Variants in ZNF277 observed in about 807,000 individuals in gnomAD.
The protein encoded by ZNF277 is zinc finger protein 277.
In ZNF277, 55 loss-of-function variants were observed where a neutral mutation model predicts 60.7. The ratio of observed to expected loss-of-function variants is 0.91; its 90% CI spans 0.73 to 1.13. The LOEUF is 1.13. Among genes scored for constraint, ZNF277 ranks in the 50% most tolerant of loss-of-function variants. ZNF277 has a pLI of 0.00. For missense variants in ZNF277, 510 were observed against 523.0 expected (o/e 0.98, Z 0.24); for synonymous variants, 178 against 179.3 (o/e 0.99, Z 0.06).
chr7:112,333,587 G>A (rs536000100), intron 7 of ZNF277, among the ~76,000 whole-genome samples: 8 of 152,268 alleles, frequency 5.3e-5, no homozygotes, highest in East Asian at 1.9e-4. Flanking sequence ...CAGGGTATCC[G>A]TAGCAAGATA....
intron 1 of ZNF277, among the ~76,000 whole-genome samples, chr7:112,211,415 G>T (rs753191113): frequency 1.3e-5 from 2 of 152,138 alleles, no homozygotes; most frequent in Non-Finnish European, 2.9e-5. Context: ...CACCATTACT[G>T]CTGAATTACC....
At chr7:112,240,636 G>C (rs1011746584) in intron 1 of ZNF277, among the ~76,000 whole-genome samples, 9 of 151,984 alleles carry the variant, frequency 5.9e-5, no homozygotes, top group African/African-American at 2.2e-4. Flanking sequence ...CATAAAAACA[G>C]AATGAAACAG....
chr7:112,250,578 TTC>T (rs1464894780), intron 1 of ZNF277, among the ~76,000 whole-genome samples: 1 of 152,180 alleles, frequency 6.6e-6, no homozygotes, highest in African/African-American at 2.4e-5. Context: ...GCTTTAAAAT[TTC>T]TCTCTTTTGT....
At chr7:112,288,033 T>C (rs1168988905) in intron 2 of ZNF277, 1 of 152,198 alleles carries the variant, frequency 6.6e-6, no homozygotes, top group Non-Finnish European at 1.5e-5. Flanking sequence ...CCATAGACAT[T>C]CTCTGAGTGG....
intron 4 of ZNF277, among the ~76,000 whole-genome samples, chr7:112,302,986 T>C (rs1289761499): frequency 1.3e-5 from 2 of 148,416 alleles, no homozygotes; most frequent in Non-Finnish European, 3.0e-5. Flanking sequence ...TGTCAGTCTG[T>C]CACCCAGGCT....
chr7:112,234,263 A>G (rs1190017968), intron 1 of ZNF277, among the ~76,000 whole-genome samples: 2 of 152,158 alleles, frequency 1.3e-5, no homozygotes, highest in African/African-American at 2.4e-5. Context: ...CATTTATGCT[A>G]CTCTAGCAAA....
intron 4 of ZNF277, among the ~76,000 whole-genome samples, chr7:112,304,124 G>A (rs747827424): frequency 6.6e-6 from 1 of 152,082 alleles, no homozygotes; most frequent in Non-Finnish European, 1.5e-5. Flanking sequence ...ATGTCACAAG[G>A]TTAACTTTCT....
intron 4 of ZNF277, among the ~76,000 whole-genome samples, chr7:112,304,111 C>A (rs1188697998): frequency 1.3e-5 from 2 of 151,998 alleles, no homozygotes; most frequent in Admixed American, 6.6e-5. Context: ...ATTTAAGATT[C>A]TAATGTCACA....
chr7:112,243,269 G>A (rs1791002296), intron 1 of ZNF277, among the ~76,000 whole-genome samples: 1 of 151,862 alleles, frequency 6.6e-6, no homozygotes, highest in African/African-American at 2.4e-5. Flanking sequence ...CATTGGTCTA[G>A]GCAAAGAATT....
chr7:112,234,635 T>G (rs200670198), intron 1 of ZNF277, among the ~76,000 whole-genome samples: 1 of 152,188 alleles, frequency 6.6e-6, no homozygotes, highest in Non-Finnish European at 1.5e-5. Context: ...TGCAAGCAAT[T>G]TGTAGAGATG....
At chr7:112,331,362 A>G (rs924849104) in intron 7 of ZNF277, among the ~76,000 whole-genome samples, 6 of 152,218 alleles carry the variant, frequency 3.9e-5, no homozygotes, top group African/African-American at 1.4e-4. Context: ...AGGAATTGGA[A>G]GAAAAACAGA....
chr7:112,331,275 C>G (rs17159475), intron 7 of ZNF277, among the ~76,000 whole-genome samples: 6,662 of 152,078 alleles, frequency 0.044, 348 homozygotes, highest in African/African-American at 0.13. Context: ...TGCCTTCAAT[C>G]TACTGATTTT....
At chr7:112,296,915 T>TATTTATTTA (rs1554491998) in intron 4 of ZNF277, among the ~76,000 whole-genome samples, 4 of 49,704 alleles carry the variant, frequency 8.0e-5, no homozygotes, top group Admixed American at 2.2e-4. Context: ...TTTATTTATT[T>TATTTATTTA]TTTTTTTTTT....
At chr7:112,248,434 G>T (rs1270864762) in intron 1 of ZNF277, among the ~76,000 whole-genome samples, 1 of 151,630 alleles carries the variant, frequency 6.6e-6, no homozygotes, top group African/African-American at 2.4e-5. Flanking sequence ...AAAACAAAGG[G>T]GGAAAAACAG....
intron 11 of ZNF277, among the ~76,000 whole-genome samples, chr7:112,341,484 T>C (rs575858897): frequency 6.6e-6 from 1 of 152,352 alleles, no homozygotes; most frequent in East Asian, 1.9e-4. Context: ...AGTGAATCTA[T>C]ATGCCTACAT....
At chr7:112,279,462 T>C (rs1169641516) in intron 1 of ZNF277, among the ~76,000 whole-genome samples, 2 of 152,234 alleles carry the variant, frequency 1.3e-5, no homozygotes, top group Non-Finnish European at 2.9e-5. Context: ...TAGCACCTTT[T>C]CATATACCTG....
chr7:112,226,112 C>T (rs1465809555), intron 1 of ZNF277, among the ~76,000 whole-genome samples: 4 of 152,136 alleles, frequency 2.6e-5, no homozygotes, highest in Non-Finnish European at 5.9e-5. Flanking sequence ...AAATGCTAAT[C>T]AGAGTTATCT....
intron 9 of ZNF277, among the ~76,000 whole-genome samples, chr7:112,338,427 C>A (rs1328498335): frequency 1.3e-5 from 2 of 152,014 alleles, no homozygotes; most frequent in African/African-American, 4.8e-5. Flanking sequence ...CTGCACAAGG[C>A]GGATAGGGAA....
intron 5 of ZNF277, among the ~76,000 whole-genome samples, chr7:112,321,015 G>A (rs1481762512): frequency 1.4e-5 from 2 of 140,952 alleles, no homozygotes; most frequent in Non-Finnish European, 3.0e-5. Flanking sequence ...TCCGCCTCCC[G>A]AGTTCAAGCC....
Sources: allele counts gnomAD v4.1 joint callset (sites outside exome capture counted in the v4.1 genomes callset), GRCh38; gene constraint gnomAD v4.1.1; transcripts MANE v1.5; gene names NCBI Gene and HGNC (gene_info 2026-07-23, HGNC 2026-07-21).